Variants in EYA4 observed in about 807,000 individuals in gnomAD.
The protein encoded by EYA4 is EYA transcriptional coactivator and phosphatase 4.
In EYA4, 31 loss-of-function variants were observed where a neutral mutation model predicts 87.9. That is an observed-to-expected ratio of 0.35 (90% CI 0.27 to 0.48). EYA4 has a LOEUF of 0.48. EYA4 is among the 20% of genes least tolerant of loss of function. EYA4 has a pLI of 0.99. For missense variants in EYA4, 678 were observed against 761.4 expected, an observed-to-expected ratio of 0.89 and a Z score of 1.29; for synonymous variants, 263 against 270.6, an observed-to-expected ratio of 0.97 and a Z score of 0.28.
At chr6:133,257,195 CAA>C (rs1426957435) in intron 1 of EYA4, among the ~76,000 whole-genome samples, 1 of 152,030 alleles carries the variant, frequency 6.6e-6, no homozygotes, top group African/African-American at 2.4e-5. Context: ...CAGAAGCACT[CAA>C]GAGTACTTTT....
At position 133,515,562 on chromosome 6, in the gene EYA4, A is replaced by C. The variant is rs1799516621; in HGVS notation, c.1616+127A>C. 5.8e-6 allele frequency: 4 copies of C among 687,788 alleles called. No individual in the cohort carries two copies. In the Admixed American group the frequency reaches 8.1e-5, roughly 14 times the overall value. 42.6% of individuals were successfully genotyped at this position (687,788 alleles called of 1,614,324 possible). A position where few individuals can be genotyped will look rare whatever the true frequency, so the allele number is the denominator to read the frequency against. ...TAAGGGACCTAACAATTCTGAGTTC[A>C]GTGATTTTTTCAATTTCAGTGCATG... On this transcript the variant is annotated intron_variant, in intron 17 of 19. Coordinates refer to ENST00000355286, the MANE Select transcript of EYA4 (RefSeq NM_004100.5).
At chr6:133,291,842 G>A (rs780743882) in intron 2 of EYA4, among the ~76,000 whole-genome samples, 9 of 152,050 alleles carry the variant, frequency 5.9e-5, no homozygotes, top group Non-Finnish European at 1.3e-4. Context: ...TTCATGTTTG[G>A]GGTGATTGTT....
intron 2 of EYA4, among the ~76,000 whole-genome samples, chr6:133,329,957 A>T (rs1232487491): frequency 6.6e-6 from 1 of 152,136 alleles, no homozygotes; most frequent in Non-Finnish European, 1.5e-5. Flanking sequence ...ATAGGAATGA[A>T]CAAGAGTTGT....
intron 11 of EYA4, among the ~76,000 whole-genome samples, chr6:133,469,871 T>G (rs922366588): frequency 3.9e-5 from 6 of 152,136 alleles, no homozygotes; most frequent in East Asian, 1.9e-4. Flanking sequence ...AAAGAACTTT[T>G]GCTCTTCAAA....
intron 11 of EYA4, 158 bp downstream of exon 11, chr6:133,468,889 G>C: frequency 2.7e-6 from 2 of 752,684 alleles, no homozygotes; most frequent in Non-Finnish European, 2.3e-6. Flanking sequence ...GGCTCTTCTG[G>C]CATTTCAGAA....
chr6:133,281,856 T>G (rs1196304254), intron 2 of EYA4, among the ~76,000 whole-genome samples: 1 of 152,138 alleles, frequency 6.6e-6, no homozygotes, highest in Non-Finnish European at 1.5e-5. Flanking sequence ...CACATCTAAG[T>G]GAGAACATGT....
chr6:133,422,007 G>A (rs1790264133), intron 3 of EYA4, among the ~76,000 whole-genome samples: 1 of 152,122 alleles, frequency 6.6e-6, no homozygotes, highest in Admixed American at 6.5e-5. Flanking sequence ...GAAAGTTTTA[G>A]TATCAGTGCT....
At chr6:133,329,015 C>G (rs977818528) in intron 2 of EYA4, among the ~76,000 whole-genome samples, 3 of 152,054 alleles carry the variant, frequency 2.0e-5, no homozygotes, top group Admixed American at 1.3e-4. Context: ...TTGTCTAAAT[C>G]TTTTTAAAAC....
chr6:133,264,073 A>G (rs951913872), intron 1 of EYA4, among the ~76,000 whole-genome samples: 3 of 152,136 alleles, frequency 2.0e-5, no homozygotes, highest in Non-Finnish European at 2.9e-5. Flanking sequence ...CCCTGCTTGT[A>G]CCCTCACAGG....
At chr6:133,318,942 G>A (rs1422848230) in intron 2 of EYA4, among the ~76,000 whole-genome samples, 1 of 152,178 alleles carries the variant, frequency 6.6e-6, no homozygotes, top group Non-Finnish European at 1.5e-5. Context: ...AAGCTCATAT[G>A]AATCTGTGGA....
chr6:133,413,130 A>G (rs750843064), intron 3 of EYA4, among the ~76,000 whole-genome samples: 1 of 152,142 alleles, frequency 6.6e-6, no homozygotes, highest in Non-Finnish European at 1.5e-5. Context: ...AACTCTACCA[A>G]TTTGTTCTTT....
At chr6:133,466,967 T>C (rs2128670389) in intron 10 of EYA4, among the ~76,000 whole-genome samples, 1 of 152,064 alleles carries the variant, frequency 6.6e-6, no homozygotes, top group East Asian at 1.9e-4. Context: ...ATTTATGTTT[T>C]GAGACGATAA....
chr6:133,494,968 G>C (rs913632834), intron 13 of EYA4, among the ~76,000 whole-genome samples: 2 of 152,136 alleles, frequency 1.3e-5, no homozygotes, highest in Non-Finnish European at 2.9e-5. Context: ...TTGTATACTT[G>C]TATCAAAATA....
intron 2 of EYA4, among the ~76,000 whole-genome samples, chr6:133,339,801 C>T (rs1782648387): frequency 6.6e-6 from 1 of 152,068 alleles, no homozygotes; most frequent in African/African-American, 2.4e-5. Context: ...TAGGACAAGT[C>T]CAGGTAGGTG....
intron 14 of EYA4, among the ~76,000 whole-genome samples, chr6:133,507,771 A>G (rs1431741545): frequency 2.0e-5 from 3 of 152,154 alleles, no homozygotes; most frequent in Non-Finnish European, 2.9e-5. Flanking sequence ...TATCCAGTCT[A>G]TCATTGATGG....
chr6:133,524,983 G>C (rs1218451029), intron 18 of EYA4, 171 bp from the exon 19 acceptor site: 1 of 1,554,522 alleles, frequency 6.4e-7, no homozygotes, highest in East Asian at 2.2e-5. Context: ...GAATGCAGTG[G>C]CTGGAAGAAT....
At chr6:133,496,718 A>G (rs1163638747) in intron 13 of EYA4, among the ~76,000 whole-genome samples, 1 of 152,220 alleles carries the variant, frequency 6.6e-6, no homozygotes, top group Non-Finnish European at 1.5e-5. Flanking sequence ...GGTGGCTTAA[A>G]TGAGATAATG....
intron 2 of EYA4, among the ~76,000 whole-genome samples, chr6:133,364,234 G>C (rs1174125826): frequency 3.3e-5 from 5 of 152,154 alleles, no homozygotes; most frequent in Non-Finnish European, 7.4e-5. Context: ...GCTGCCACTT[G>C]AAAAAATGCC....
At chr6:133,525,669 A>T (rs1258265116) in intron 19 of EYA4, among the ~76,000 whole-genome samples, 1 of 152,132 alleles carries the variant, frequency 6.6e-6, no homozygotes, top group East Asian at 1.9e-4. Flanking sequence ...TAAGCACATG[A>T]AATTTAGCAA....
Sources: allele counts gnomAD v4.1 joint callset (sites outside exome capture counted in the v4.1 genomes callset), GRCh38; gene constraint gnomAD v4.1.1; transcripts MANE v1.5; gene names NCBI Gene and HGNC (gene_info 2026-07-23, HGNC 2026-07-21).